Variants in ITIH6 observed in about 807,000 individuals in gnomAD.
ITIH6 encodes inter-alpha-trypsin inhibitor heavy chain family member 6.
A neutral mutation model predicts 58.2 loss-of-function variants in ITIH6; 60 were observed. The ratio of observed to expected loss-of-function variants is 1.03; its 90% confidence interval spans 0.84 to 1.28. ITIH6 has a LOEUF of 1.28. Ranked by LOEUF, ITIH6 falls within the 50% of genes most tolerant of loss-of-function variation. The pLI is 0.00. For synonymous variants in ITIH6, 493 were observed against 417.4 expected (o/e 1.18, Z -2.21); for missense variants, 1,290 against 1,021.1 (o/e 1.26, Z -3.59).
intron 8 of ITIH6, among the ~76,000 whole-genome samples, chrX:54,755,461 T>C (rs995437461): frequency 5.4e-5 from 6 of 110,995 alleles, no homozygotes; most frequent in Non-Finnish European, 9.4e-5. Flanking sequence ...TTATCACAAA[T>C]GGTGATAAAT....
At chrX:54,765,285 T>A (rs1419119918) in intron 6 of ITIH6, among the ~76,000 whole-genome samples, 1 of 69,490 alleles carries the variant, frequency 1.4e-5, no homozygotes, top group Admixed American at 1.8e-4. Context: ...TTTGTCAATT[T>A]TGGCTTTTGT....
At position 54,757,154 on chromosome X, in the gene ITIH6, T is replaced by G. The variant is rs776855202; in HGVS notation, c.2920A>C (p.Arg974=). The change falls in exon 8 of 13, where the codon AGG becomes CGG. Residue 974 remains arginine, a synonymous_variant. Coordinates refer to ENST00000218436, the MANE Select transcript of ITIH6 (RefSeq NM_198510.3). Reference sequence around the variant, plus strand: ...GGAGGGCTGCCTTCTGGTGTAGGCCTGGAGCTGTTGAGTAGGCTCATTGTT... The same window carrying G: ...GGAGGGCTGCCTTCTGGTGTAGGCCGGGAGCTGTTGAGTAGGCTCATTGTT... ...VPTMSLLNSS[R]PTPEGSPPNL... 8.3e-7 allele frequency: 1 copy of G among 1,210,884 alleles called. No individual in the cohort carries two copies. Among genetic ancestry groups the G allele is most frequent in the South Asian group, 1.8e-5 (1 of 56,774 alleles).
intron 6 of ITIH6, among the ~76,000 whole-genome samples, chrX:54,768,701 T>G (rs1259480305): frequency 9.5e-6 from 1 of 105,146 alleles, no homozygotes; most frequent in Non-Finnish European, 1.9e-5. Context: ...ATGTTGAATA[T>G]TGGCCCCCAC....
chrX:54,756,726 C>G (rs1281175353), intron 8 of ITIH6, among the ~76,000 whole-genome samples: 2 of 111,265 alleles, frequency 1.8e-5, no homozygotes, highest in African/African-American at 6.6e-5. Flanking sequence ...TTCCCAGTCT[C>G]AACACTCCTC....
At chrX:54,789,746 T>G (rs750946764) in intron 4 of ITIH6, among the ~76,000 whole-genome samples, 1 of 112,018 alleles carries the variant, frequency 8.9e-6, no homozygotes, top group East Asian at 2.8e-4. Context: ...ATGAGGCCAT[T>G]CATGTAAAGC....
At chrX:54,769,131 A>G (rs1260622770) in intron 6 of ITIH6, among the ~76,000 whole-genome samples, 19 of 90,051 alleles carry the variant, frequency 2.1e-4, no homozygotes, top group African/African-American at 8.5e-4. Context: ...CATTCATTTC[A>G]TCTTCCATTG....
chrX:54,755,433 C>T (rs1175859612), intron 8 of ITIH6, among the ~76,000 whole-genome samples: 4 of 111,617 alleles, frequency 3.6e-5, no homozygotes, highest in Non-Finnish European at 7.5e-5. Flanking sequence ...GGGTGGCAGA[C>T]ATGAATGAAA....
In ITIH6 at chrX:54,758,539, C is replaced by T; in HGVS notation, c.1535G>A (p.Gly512Asp). The change falls in exon 8 of 13, where the codon GGC becomes GAC. Residue 512 changes from glycine to aspartate, a missense_variant. By Grantham distance (94) the Gly-to-Asp change is moderately conservative. Transcript: ENST00000218436. ...CAGGTGGATGCCCAGTTCCTGTTTG[C>T]CTGGCTGCACCTGTCCTGCCACCAC... ...ELVVAGQVQP[G>D]KQELGIHLAA... 8.3e-7 allele frequency: 1 copy of T among 1,210,786 alleles called. No individual in the cohort carries two copies. The highest frequency in any genetic ancestry group is 1.8e-5 in the South Asian group (1 of 56,821).
At chrX:54,765,649 T>A (rs1443795854) in intron 6 of ITIH6, among the ~76,000 whole-genome samples, 1 of 102,760 alleles carries the variant, frequency 9.7e-6, no homozygotes, top group Non-Finnish European at 2.0e-5. Flanking sequence ...CAGGCCAGAC[T>A]GCGGACTGCA....
At chrX:54,765,134 G>T (rs1928743750) in intron 6 of ITIH6, among the ~76,000 whole-genome samples, 1 of 31,891 alleles carries the variant, frequency 3.1e-5, no homozygotes, top group African/African-American at 1.3e-4. Flanking sequence ...AAATTTGTTT[G>T]AGTTCATTGT....
At chrX:54,773,352 G>A (rs933249432) in intron 6 of ITIH6, among the ~76,000 whole-genome samples, 7 of 111,667 alleles carry the variant, frequency 6.3e-5, no homozygotes, top group African/African-American at 2.3e-4. Flanking sequence ...GGGCTGGGGA[G>A]CTGGCTTGGG....
intron 5 of ITIH6, among the ~76,000 whole-genome samples, chrX:54,786,309 C>T (rs942198031): frequency 2.7e-5 from 3 of 111,771 alleles, no homozygotes; most frequent in Non-Finnish European, 5.6e-5. Flanking sequence ...AGGCCTCATT[C>T]GTCTCAGGTT....
chrX:54,775,234 C>T (rs1428499458), intron 5 of ITIH6, among the ~76,000 whole-genome samples: 4 of 111,859 alleles, frequency 3.6e-5, no homozygotes, highest in Non-Finnish European at 5.6e-5. Flanking sequence ...TGCACACCTC[C>T]CATACCTGGG....
chrX:54,795,921 G>C (rs761275700), intron 2 of ITIH6, among the ~76,000 whole-genome samples: 1 of 112,341 alleles, frequency 8.9e-6, no homozygotes, highest in African/African-American at 3.2e-5. Flanking sequence ...CCAGGCTGGA[G>C]TGCAGAGATC....
intron 2 of ITIH6, among the ~76,000 whole-genome samples, chrX:54,796,255 C>A (rs1929438622): frequency 8.9e-6 from 1 of 112,012 alleles, no homozygotes; most frequent in Non-Finnish European, 1.9e-5. Context: ...TTGGACTCAG[C>A]ACAGTGTAAG....
chrX:54,796,901 T>C, intron 2 of ITIH6, 41 bp downstream of exon 2: 1 of 1,174,027 alleles, frequency 8.5e-7, no homozygotes. Flanking sequence ...AACAAATATA[T>C]GCACAAATGA....
intron 6 of ITIH6, among the ~76,000 whole-genome samples, chrX:54,768,781 A>T (rs1928867074): frequency 9.8e-6 from 1 of 101,835 alleles, no homozygotes; most frequent in Non-Finnish European, 2.0e-5. Context: ...TTTGAGGGTA[A>T]CCCGACCTTT....
At chrX:54,765,365 G>T (rs1397801894) in intron 6 of ITIH6, among the ~76,000 whole-genome samples, 1 of 73,832 alleles carries the variant, frequency 1.4e-5, no homozygotes, top group African/African-American at 5.2e-5. Context: ...TAATGCCTAG[G>T]TTTTCTTCTA....
At chrX:54,763,945 T>G (rs1240678867) in intron 6 of ITIH6, among the ~76,000 whole-genome samples, 2 of 112,533 alleles carry the variant, frequency 1.8e-5, no homozygotes, top group Non-Finnish European at 3.7e-5. Flanking sequence ...ATAATGCAAC[T>G]ATTTATTGCT....
Sources: allele counts gnomAD v4.1 joint callset (sites outside exome capture counted in the v4.1 genomes callset), GRCh38; gene constraint gnomAD v4.1.1; transcripts MANE v1.5; gene names NCBI Gene and HGNC (gene_info 2026-07-23, HGNC 2026-07-21).